The following ERBB4 variants were observed in gnomAD, a reference collection of about 807,000 sequenced individuals.
ERBB4 encodes erb-b2 receptor tyrosine kinase 4, also known as receptor tyrosine-protein kinase erbB-4.
A neutral mutation model predicts 158.0 loss-of-function variants in ERBB4; 42 were observed. The ratio of observed to expected loss-of-function variants is 0.27; its 90% confidence interval spans 0.21 to 0.34. The LOEUF (loss-of-function observed/expected upper bound fraction) is 0.34, where lower values mean the gene tolerates loss of function less well. ERBB4 is among the 10% of genes least tolerant of loss of function. The pLI, the probability that ERBB4 is intolerant of heterozygous loss-of-function variation, is 1.00. For missense variants in ERBB4, 1,333 were observed against 1,624.1 expected (o/e 0.82, Z 3.08); for synonymous variants, 583 against 558.7 (o/e 1.04, Z -0.61).
chr2:211,473,837 C>T (rs77466733), intron 20 of ERBB4, among the ~76,000 whole-genome samples: 32 of 151,918 alleles, frequency 2.1e-4, no homozygotes, highest in African/African-American at 7.5e-4. Flanking sequence ...CAAATCTGAG[C>T]GAGTAAGATG....
At chr2:211,567,551 G>A (rs1049033501) in intron 19 of ERBB4, among the ~76,000 whole-genome samples, 1 of 152,118 alleles carries the variant, frequency 6.6e-6, no homozygotes, top group African/African-American at 2.4e-5. Flanking sequence ...GTAGAAGAAA[G>A]ATTTTGGGGT....
intron 1 of ERBB4, among the ~76,000 whole-genome samples, chr2:212,255,301 G>A (rs1461559128): frequency 1.3e-5 from 2 of 152,078 alleles, no homozygotes; most frequent in South Asian, 2.1e-4. Flanking sequence ...TGTGCTGGGG[G>A]AAAGAGTCAT....
chr2:212,493,462 A>G (rs143809621), intron 1 of ERBB4, among the ~76,000 whole-genome samples: 1 of 151,670 alleles, frequency 6.6e-6, no homozygotes, highest in East Asian at 1.9e-4. Flanking sequence ...TATTGCTAAT[A>G]TTGTTTATGT....
chr2:211,492,419 A>G (rs2065367052), intron 20 of ERBB4, among the ~76,000 whole-genome samples: 1 of 152,116 alleles, frequency 6.6e-6, no homozygotes, highest in East Asian at 1.9e-4. Context: ...AAGCTAATAA[A>G]ACAGTTTATT....
At chr2:211,419,904 A>T (rs2125402079) in intron 25 of ERBB4, among the ~76,000 whole-genome samples, 1 of 152,178 alleles carries the variant, frequency 6.6e-6, no homozygotes, top group South Asian at 2.1e-4. Flanking sequence ...CTACTTCTTA[A>T]AAACAAAAAT....
At chr2:212,294,936 A>C (rs2086355133) in intron 1 of ERBB4, among the ~76,000 whole-genome samples, 1 of 152,136 alleles carries the variant, frequency 6.6e-6, no homozygotes, top group Non-Finnish European at 1.5e-5. Context: ...GGGCAAAGCC[A>C]GGCATGAAGC....
chr2:211,813,144 C>T (rs532402076), intron 3 of ERBB4, among the ~76,000 whole-genome samples: 2 of 152,306 alleles, frequency 1.3e-5, no homozygotes, highest in African/African-American at 4.8e-5. Flanking sequence ...CTGGGAGCTG[C>T]AGACCGGAGC....
At chr2:212,354,748 G>T (rs1408198294) in intron 1 of ERBB4, among the ~76,000 whole-genome samples, 2 of 152,062 alleles carry the variant, frequency 1.3e-5, no homozygotes, top group African/African-American at 4.8e-5. Flanking sequence ...TACAGAAAGA[G>T]AAGCAAAAAA....
At chr2:212,408,680 A>T (rs1422704018) in intron 1 of ERBB4, among the ~76,000 whole-genome samples, 1 of 152,206 alleles carries the variant, frequency 6.6e-6, no homozygotes, top group African/African-American at 2.4e-5. Context: ...ACTGATGCTG[A>T]CACCACCACC....
chr2:211,636,829 TTAG>T lies in ERBB4; in HGVS notation c.1947-6238_1947-6236del, dbSNP rs148761172. Among the ~76,000 whole-genome samples, 439 of 152,164 alleles carry T rather than the reference TTAG, an allele frequency of 2.9e-3. 2 individuals are homozygous for T. Among genetic ancestry groups the T allele is most frequent in the African/African-American group, 9.7e-3 (404 of 41,566 alleles). On this transcript the variant is annotated intron_variant, in intron 16 of 27. Coordinates refer to ENST00000342788, the MANE Select transcript of ERBB4 (RefSeq NM_005235.3). ...TCTATGAAATCTGACATCTTCATTT[TTAG>T]TAGATTATTTCCCATCAAAAATAAA...
At chr2:212,006,593 A>C (rs2076264782) in intron 2 of ERBB4, among the ~76,000 whole-genome samples, 1 of 152,042 alleles carries the variant, frequency 6.6e-6, no homozygotes, top group Non-Finnish European at 1.5e-5. Flanking sequence ...CTGAATTTTT[A>C]ATTCTAAAAC....
At chr2:212,511,196 G>A (rs1376054755) in intron 1 of ERBB4, among the ~76,000 whole-genome samples, 1 of 152,068 alleles carries the variant, frequency 6.6e-6, no homozygotes, top group Non-Finnish European at 1.5e-5. Context: ...TTTTTGTCTT[G>A]TCTTACCTCA....
intron 1 of ERBB4, among the ~76,000 whole-genome samples, chr2:212,492,106 T>G (rs1690311791): frequency 6.6e-6 from 1 of 151,406 alleles, no homozygotes; most frequent in African/African-American, 2.4e-5. Flanking sequence ...AATCAGAAAA[T>G]ACATCTTATA....
intron 4 of ERBB4, among the ~76,000 whole-genome samples, chr2:211,756,778 A>G (rs889819650): frequency 1.3e-5 from 2 of 152,204 alleles, no homozygotes; most frequent in African/African-American, 4.8e-5. Flanking sequence ...GGCTTGGCAT[A>G]TAATTCCAAA....
chr2:211,710,432 A>C (rs969805856), intron 9 of ERBB4, among the ~76,000 whole-genome samples: 4 of 152,146 alleles, frequency 2.6e-5, no homozygotes, highest in African/African-American at 7.2e-5. Flanking sequence ...ATATGCATTA[A>C]ATTATGAAGA....
chr2:212,064,097 A>T (rs777198761), intron 2 of ERBB4, among the ~76,000 whole-genome samples: 1 of 152,196 alleles, frequency 6.6e-6, no homozygotes, highest in Non-Finnish European at 1.5e-5. Context: ...TTCCTGGGAA[A>T]GAAGCATTGT....
chr2:212,356,223 G>C (rs1368261595), intron 1 of ERBB4, among the ~76,000 whole-genome samples: 1 of 151,902 alleles, frequency 6.6e-6, no homozygotes, highest in East Asian at 1.9e-4. Flanking sequence ...ACTTTGGAGG[G>C]GGCAGTCAAC....
intron 3 of ERBB4, among the ~76,000 whole-genome samples, chr2:211,890,269 G>T (rs373028929): frequency 8.8e-6 from 1 of 113,274 alleles, no homozygotes; most frequent in African/African-American, 3.6e-5. Context: ...TTAAAGAAAA[G>T]AATTTTCAAC....
At position 211,392,572 on chromosome 2, in the gene ERBB4, A is replaced by G. The variant is rs972288954; in HGVS notation, c.3136-4580T>C. Among the ~76,000 whole-genome samples the G allele has an allele frequency of 5.3e-4, 77 of 145,572 alleles. 1 individual carries two copies. The South Asian group carries it at 5.7e-3, about 11-fold the overall frequency. On this transcript the variant is annotated intron_variant, in intron 25 of 27. Transcript: ENST00000342788. ...ACTCTCTTACTCCACACACACACAC[A>G]CACACACACACACACACACACACAC...
Sources: allele counts gnomAD v4.1 joint callset (sites outside exome capture counted in the v4.1 genomes callset), GRCh38; gene constraint gnomAD v4.1.1; transcripts MANE v1.5; gene names NCBI Gene and HGNC (gene_info 2026-07-23, HGNC 2026-07-21).